WDFY4: variants seen among roughly 807,000 people sequenced by gnomAD.
WDFY4 encodes the protein WD repeat- and FYVE domain-containing protein 4.
WDFY4 carries 169 observed loss-of-function variants against 351.9 expected under a neutral mutation model. That is an observed-to-expected ratio of 0.48 (90% CI 0.42 to 0.55). The LOEUF (loss-of-function observed/expected upper bound fraction) is 0.55, where lower values mean the gene tolerates loss of function less well. WDFY4 is among the 20% of genes least tolerant of loss of function. WDFY4 has a pLI of 0.00. For missense variants in WDFY4, 3,803 were observed against 3,935.6 expected (o/e 0.97, Z 0.90); for synonymous variants, 1,622 against 1,574.6 (o/e 1.03, Z -0.71).
chr10:48,767,766 G>A (rs1364645375), intron 13 of WDFY4, among the ~76,000 whole-genome samples: 6 of 152,200 alleles, frequency 3.9e-5, no homozygotes, highest in Admixed American at 3.9e-4. Flanking sequence ...TTAAGTCCTA[G>A]CAGGTTTAGG....
intron 8 of WDFY4, among the ~76,000 whole-genome samples, chr10:48,730,428 G>A (rs776266786): frequency 6.6e-6 from 1 of 152,204 alleles, no homozygotes; most frequent in Non-Finnish European, 1.5e-5. Flanking sequence ...AAACATCTCT[G>A]TTATCTGAGG....
rs1456098816 is a variant in WDFY4, at chr10:48,761,463, T to A, written c.2553+1023T>A. Among the ~76,000 whole-genome samples, 4 of 152,022 alleles carry A rather than the reference T, an allele frequency of 2.6e-5. No homozygotes were observed. The East Asian group carries it at 7.7e-4, about 29-fold the overall frequency. On this transcript the variant is annotated intron_variant, in intron 13 of 61. Coordinates refer to ENST00000325239, the MANE Select transcript of WDFY4 (RefSeq NM_001394531.1). ...CATGTGATGTGTGGTGATAGCTGGA[T>A]TAGGGTGGTGTCTGTGAGAAGGTGT...
At chr10:48,733,728 G>T (rs1011960978) in intron 9 of WDFY4, among the ~76,000 whole-genome samples, 6 of 152,212 alleles carry the variant, frequency 3.9e-5, no homozygotes, top group Non-Finnish European at 8.8e-5. Flanking sequence ...AATAAGCCCT[G>T]CAGGGAATGC....
chr10:48,974,990 C>T lies in WDFY4; in HGVS notation c.9057C>T (p.Arg3019=). Residue 3019 remains arginine, a synonymous_variant, in exon 58 of 62, where the codon CGC becomes CGT. Coordinates refer to ENST00000325239, the MANE Select transcript of WDFY4 (RefSeq NM_001394531.1). ...TGGACCACCTCACCCACGTGACCCG[C>T]CTGCCCGCCCATCGGGAAGGCATCT... ...WDLDHLTHVT[R]LPAHREGISA... 5 of 1,551,702 alleles carry T rather than the reference C, an allele frequency of 3.2e-6. No individual in the cohort carries two copies. The highest frequency in any genetic ancestry group is 4.4e-6 in the Non-Finnish European group (5 of 1,147,000).
intron 57 of WDFY4, among the ~76,000 whole-genome samples, chr10:48,972,228 C>T (rs1842368733): frequency 6.6e-6 from 1 of 152,132 alleles, no homozygotes; most frequent in African/African-American, 2.4e-5. Context: ...GTGAAGGGGT[C>T]CATTCCTGAC....
chr10:48,968,088 G>A (rs998237538), intron 55 of WDFY4: 1 of 152,302 alleles, frequency 6.6e-6, no homozygotes, highest in Non-Finnish European at 1.5e-5. Flanking sequence ...GGCTCCAGGA[G>A]ACTGATGCAG....
At chr10:48,843,935 G>C (rs970331104) in intron 39 of WDFY4, among the ~76,000 whole-genome samples, 1 of 152,202 alleles carries the variant, frequency 6.6e-6, no homozygotes, top group Non-Finnish European at 1.5e-5. Flanking sequence ...GCATTCAAAA[G>C]ACAGAAGTGT....
chr10:48,829,074 A>G (rs1217136560), intron 37 of WDFY4, among the ~76,000 whole-genome samples, 178 bp downstream of exon 37: 2 of 152,170 alleles, frequency 1.3e-5, no homozygotes, highest in Non-Finnish European at 2.9e-5. Flanking sequence ...TAGGGTAATC[A>G]TGTATTAGTA....
intron 19 of WDFY4, among the ~76,000 whole-genome samples, chr10:48,782,654 G>T (rs1480593506): frequency 2.0e-5 from 3 of 152,248 alleles, no homozygotes. Flanking sequence ...AAAGGCCTGT[G>T]TTTTGATGCA....
intron 12 of WDFY4, among the ~76,000 whole-genome samples, chr10:48,753,067 G>A (rs945555025): frequency 2.0e-5 from 3 of 152,212 alleles, no homozygotes; most frequent in Admixed American, 6.5e-5. Flanking sequence ...CATTCTAATG[G>A]GCATGGAGTG....
At chr10:48,857,403 G>C (rs1044850024) in intron 39 of WDFY4, among the ~76,000 whole-genome samples, 1 of 151,490 alleles carries the variant, frequency 6.6e-6, no homozygotes, top group Non-Finnish European at 1.5e-5. Flanking sequence ...TATACAGTTG[G>C]TGCCAATGTC....
intron 19 of WDFY4, among the ~76,000 whole-genome samples, chr10:48,784,365 C>T (rs2066325087): frequency 6.6e-6 from 1 of 151,984 alleles, no homozygotes; most frequent in African/African-American, 2.4e-5. Context: ...TTATATTAGC[C>T]ATTTTGATAG....
rs760484954 is a variant in WDFY4 at position 48,727,680 on chromosome 10, C to T, written c.971+21C>T. 1.4e-4 allele frequency: 221 copies of T among 1,550,736 alleles called. 2 individuals carry two copies. Among genetic ancestry groups the T allele is most frequent in the South Asian group, 6.3e-4 (53 of 83,922 alleles). On this transcript the variant is annotated intron_variant, in intron 7 of 61. Transcript: ENST00000325239. ...CTTCGGTAAGTGGCTGTGTTTGGTA[C>T]GGGGAGAGCACAGGACCACCAAAGC...
chr10:48,928,734 G>T (rs571810014), intron 47 of WDFY4, among the ~76,000 whole-genome samples: 3 of 152,282 alleles, frequency 2.0e-5, no homozygotes, highest in South Asian at 2.1e-4. Flanking sequence ...CCCATCTGCC[G>T]CAGGACAGCT....
chr10:48,784,369 T>C (rs994245849), intron 19 of WDFY4, among the ~76,000 whole-genome samples: 1 of 152,188 alleles, frequency 6.6e-6, no homozygotes, highest in East Asian at 1.9e-4. Flanking sequence ...ATTAGCCATT[T>C]TGATAGTTGT....
intron 26 of WDFY4, 22 bp from the exon 27 acceptor site, chr10:48,805,982 C>G: frequency 6.4e-7 from 1 of 1,550,968 alleles, no homozygotes; most frequent in South Asian, 1.2e-5. Flanking sequence ...GCGAGCCTGT[C>G]CTTCTCTCCC....
In WDFY4 at chr10:48,721,345, A is replaced by T; in HGVS notation, c.434A>T (p.Tyr145Phe). ...GGCTACTTGCTCCTGAAGTCAGTGTACGTGCTCACGGGGACAGACTCGGTA... is the reference window on the plus strand; with the variant it reads ...GGCTACTTGCTCCTGAAGTCAGTGTTCGTGCTCACGGGGACAGACTCGGTA... ...QDGYLLLKSV[Y>F]VLTGTDSETL... Residue 145 changes from tyrosine to phenylalanine, a missense_variant, in exon 4 of 62, where the codon TAC becomes TTC. Tyr to Phe is a conservative substitution (Grantham distance 22). Coordinates refer to ENST00000325239, the MANE Select transcript of WDFY4 (RefSeq NM_001394531.1). 1 of 1,551,694 alleles carries T rather than the reference A, an allele frequency of 6.4e-7. No homozygotes were observed. The highest frequency in any genetic ancestry group is 8.7e-7 in the Non-Finnish European group (1 of 1,146,968).
In WDFY4 at chr10:48,776,835, G is replaced by T. The variant is rs753736504; in HGVS notation, c.2949G>T (p.Pro983=). Residue 983 remains proline, a synonymous_variant, in exon 16 of 62, where the codon CCG becomes CCT. Transcript: ENST00000325239. ...TGCACCCTGGAGTCACACAGGCCCC[G>T]CAGCCCTTGGGGGAATCCCAGGATT... The part of the protein sequence containing the change: ...AGLHPGVTQA[P]QPLGESQDST... 2.6e-6 allele frequency: 4 copies of T among 1,551,668 alleles called. No individual in the cohort carries two copies. Among genetic ancestry groups the T allele is most frequent in the Middle Eastern group, 1.7e-4 (1 of 5,990 alleles).
chr10:48,823,740 G>A lies in WDFY4; in HGVS notation c.5982+1203G>A, dbSNP rs889542811. On this transcript the variant is annotated intron_variant, in intron 35 of 61. Coordinates refer to ENST00000325239, the MANE Select transcript of WDFY4 (RefSeq NM_001394531.1). ...ATATCCCAAACATAGGTGCCAGTGGGGGCCACCGTGCTTTCAGGGGGACCA... is the reference window on the plus strand; with the variant it reads ...ATATCCCAAACATAGGTGCCAGTGGAGGCCACCGTGCTTTCAGGGGGACCA... The A allele has an allele frequency of 8.1e-6, 8 of 992,100 alleles. No individual in the cohort carries two copies. In the East Asian group the frequency reaches 8.8e-4, roughly 109 times the overall value. 61.5% of individuals were successfully genotyped at this position (992,100 alleles called of 1,614,324 possible).
Sources: allele counts gnomAD v4.1 joint callset (sites outside exome capture counted in the v4.1 genomes callset), GRCh38; gene constraint gnomAD v4.1.1; transcripts MANE v1.5; gene names NCBI Gene and HGNC (gene_info 2026-07-23, HGNC 2026-07-21).